The following SPATA6L variants were observed in gnomAD, a reference collection of about 807,000 sequenced individuals.
The protein encoded by SPATA6L is spermatogenesis associated 6-like protein.
SPATA6L carries 68 observed loss-of-function variants against 49.2 expected under a neutral mutation model. The observed-to-expected ratio is 1.38, with a 90% CI of 1.14 to 1.69. The LOEUF (loss-of-function observed/expected upper bound fraction) is 1.69, where lower values mean the gene tolerates loss of function less well. Ranked by LOEUF, SPATA6L falls within the 40% of genes most tolerant of loss-of-function variation. SPATA6L has a pLI of 0.00. For synonymous variants in SPATA6L, 198 were observed against 165.7 expected (o/e 1.19, Z -1.50); for missense variants, 668 against 464.3 (o/e 1.44, Z -4.03).
chr9:4,613,406 C>T (rs559709384), intron 9 of SPATA6L, among the ~76,000 whole-genome samples: 2 of 152,048 alleles, frequency 1.3e-5, no homozygotes, highest in Admixed American at 1.3e-4. Flanking sequence ...CAGGCCTCCA[C>T]TCCAGCTCTC....
intron 11 of SPATA6L, among the ~76,000 whole-genome samples, chr9:4,603,354 TG>T (rs1421019495): frequency 6.6e-6 from 1 of 152,060 alleles, no homozygotes; most frequent in Non-Finnish European, 1.5e-5. Flanking sequence ...CACTTGAACC[TG>T]GGGGGTGGAG....
At chr9:4,629,779 A>G (rs903262827) in intron 4 of SPATA6L, among the ~76,000 whole-genome samples, 17 of 140,360 alleles carry the variant, frequency 1.2e-4, no homozygotes, top group East Asian at 2.0e-4. Context: ...GTATATATAT[A>G]TATATATATA....
rs746236884 is a variant in SPATA6L at position 4,662,859 on chromosome 9, G to A, written c.40-823C>T. 1.9e-6 allele frequency: 3 copies of A among 1,605,158 alleles called. No individual in the cohort carries two copies. In the African/African-American group the frequency reaches 4.0e-5, roughly 21 times the overall value. On this transcript the variant is annotated intron_variant, in intron 1 of 11. Transcript: ENST00000682582. The surrounding 1 kb of genome is among the most constrained non-coding windows in gnomAD (Gnocchi z 4.9). ...CCTGTGCAGGAGCGACAGCTGGGCC[G>A]GGCGCGAGGTGCTGATGAACCTGCT... is the stretch of plus-strand genomic sequence containing the variant.
At chr9:4,628,779 T>A (rs1403103126) in intron 5 of SPATA6L, 1 of 222,370 alleles carries the variant, frequency 4.5e-6, no homozygotes, top group Non-Finnish European at 8.7e-6. Context: ...GTTCATAAGA[T>A]CACAAGTAAA....
rs377305285 is a variant in SPATA6L at position 4,629,153 on chromosome 9, T to C, written c.367A>G (p.Ile123Val). The C allele has an allele frequency of 6.2e-7, 1 of 1,606,882 alleles. No individual in the cohort carries two copies. The highest frequency in any genetic ancestry group is 8.5e-7 in the Non-Finnish European group (1 of 1,178,576). Residue 123 changes from isoleucine to valine, a missense_variant, in exon 5 of 12, where the codon ATA (isoleucine) becomes GTA (valine). Physicochemically the swap from Ile to Val is conservative, Grantham distance 29. Coordinates refer to ENST00000682582, the MANE Select transcript of SPATA6L (RefSeq NM_001353486.2). Reference protein sequence around the residue: ...ALGFPGIAPKIEFSTRTAIRE... With the variant: ...ALGFPGIAPKVEFSTRTAIRE... ...ATGGCTGTCCTTGTAGAAAACTCTA[T>C]TTTGGGAGCAATGCCCTATAAAACA...
chr9:4,606,706 G>A (rs1376765475), intron 9 of SPATA6L, among the ~76,000 whole-genome samples: 7 of 138,660 alleles, frequency 5.0e-5, no homozygotes, highest in Non-Finnish European at 7.7e-5. Flanking sequence ...AAACAGAACA[G>A]AAAAACTGGA....
At chr9:4,654,164 G>C (rs541158808) in intron 3 of SPATA6L, among the ~76,000 whole-genome samples, 150 of 152,352 alleles carry the variant, frequency 9.8e-4, no homozygotes, top group Non-Finnish European at 1.8e-3. Context: ...GTGTCGGCCA[G>C]GATGTGGGAA....
chr9:4,634,396 G>A (rs1487620193), intron 4 of SPATA6L, among the ~76,000 whole-genome samples: 2 of 152,108 alleles, frequency 1.3e-5, no homozygotes, highest in African/African-American at 2.4e-5. Flanking sequence ...AAGGTCTTGG[G>A]GTTACAGTCA....
rs150703360 is a variant in SPATA6L at position 4,638,021 on chromosome 9, T to C, written c.227-2622A>G. On this transcript the variant is annotated intron_variant, in intron 3 of 11. Coordinates refer to ENST00000682582, the MANE Select transcript of SPATA6L (RefSeq NM_001353486.2). ...AGAACCTCCTATGTAGTAAGACTTA[T>C]AGACACTGGATTTACACTAGTGAAG... Among the ~76,000 whole-genome samples the C allele has an allele frequency of 5.3e-3, 801 of 152,318 alleles. 6 individuals are homozygous for C. The highest frequency in any genetic ancestry group is 0.018 in the African/African-American group (762 of 41,564).
intron 3 of SPATA6L, among the ~76,000 whole-genome samples, chr9:4,652,514 A>C (rs1346675999): frequency 6.6e-6 from 1 of 152,216 alleles, no homozygotes; most frequent in Non-Finnish European, 1.5e-5. Context: ...TTAACCAAAA[A>C]ATGCAACACT....
chr9:4,607,216 C>T (rs1825493478), intron 9 of SPATA6L, among the ~76,000 whole-genome samples: 2 of 150,968 alleles, frequency 1.3e-5, no homozygotes, highest in Non-Finnish European at 2.9e-5. Flanking sequence ...TTGGAAAACA[C>T]TCTGCAGGAT....
chr9:4,666,145 G>A, intron 1 of SPATA6L, 67 bp downstream of exon 1: 27 of 1,526,554 alleles, frequency 1.8e-5, no homozygotes, highest in Non-Finnish European at 2.5e-5. Context: ...GAGGGTTGTT[G>A]AAAACCACCT....
At chr9:4,625,241 G>C in intron 6 of SPATA6L, 86 bp downstream of exon 6, 1 of 1,494,126 alleles carries the variant, frequency 6.7e-7, no homozygotes, top group Non-Finnish European at 8.9e-7. Context: ...TTATTCATTT[G>C]TTGTTATAAC....
rs147756397 is a variant in SPATA6L at position 4,609,910 on chromosome 9, C to T, written c.996-4470G>A. ...GTGCAGAAAACCCCATTGTCTCAGC[C>T]CAAAATCTCCTTAAGCTGATAAGCA... On this transcript the variant is annotated intron_variant, in intron 9 of 11. Coordinates refer to ENST00000682582, the MANE Select transcript of SPATA6L (RefSeq NM_001353486.2). Among the ~76,000 whole-genome samples the T allele has an allele frequency of 2.6e-3, 395 of 151,998 alleles. 1 individual carries two copies. Among genetic ancestry groups the T allele is most frequent in the African/African-American group, 8.2e-3 (338 of 41,330 alleles).
In SPATA6L at chr9:4,600,267, C is replaced by G. The variant is rs1381579456; in HGVS notation, c.*544G>C. ...AACATCTAAAACAAGATCTGAACTA[C>G]CCAGACGTAATGCTCTCTTTTCCAA... On this transcript the variant is annotated 3_prime_UTR_variant, in exon 12 of 12. Transcript: ENST00000682582. 6.6e-6 allele frequency among the ~76,000 whole-genome samples: 1 copy of G among 152,110 alleles called. No individual in the cohort carries two copies. Among genetic ancestry groups the G allele is most frequent in the Non-Finnish European group, 1.5e-5 (1 of 68,030 alleles).
intron 4 of SPATA6L, among the ~76,000 whole-genome samples, chr9:4,632,547 G>T (rs1831841058): frequency 1.3e-5 from 2 of 149,052 alleles, no homozygotes; most frequent in African/African-American, 5.0e-5. Flanking sequence ...AGTGAGCCGA[G>T]ATCGCTGCAC....
intron 5 of SPATA6L, chr9:4,626,897 C>T (rs952763771): frequency 5.4e-5 from 9 of 167,634 alleles, no homozygotes; most frequent in South Asian, 1.6e-4. Flanking sequence ...TGCAATGCAG[C>T]GTGATCTCAA....
At position 4,662,319 on chromosome 9, in the gene SPATA6L, G is replaced by A; in HGVS notation, c.40-283C>T. 6.9e-7 allele frequency: 1 copy of A among 1,443,424 alleles called. No homozygotes were observed. The highest frequency in any genetic ancestry group is 2.5e-5 in the East Asian group (1 of 39,570). The allele number at this position is 1,443,424 out of a possible 1,614,324, so 89.4% of individuals were successfully genotyped here. A position where few individuals can be genotyped will look rare whatever the true frequency, so the allele number is the denominator to read the frequency against. On this transcript the variant is annotated intron_variant, in intron 1 of 11. Transcript: ENST00000682582. This position sits in a 1 kb window ranked among gnomAD's most constrained non-coding sequence, Gnocchi z 4.9. The stretch of plus-strand genomic sequence containing the variant: ...AGTGCGGAAGCGGAAGAGGCTGCAG[G>A]GCCGGGAAGCCTCTGTTTGGTCCGG...
intron 9 of SPATA6L, among the ~76,000 whole-genome samples, chr9:4,612,581 A>G (rs1484038745): frequency 6.6e-6 from 1 of 152,190 alleles, no homozygotes; most frequent in Non-Finnish European, 1.5e-5. Context: ...ACGGACTTGC[A>G]GTTTCATTTA....
Sources: allele counts gnomAD v4.1 joint callset (sites outside exome capture counted in the v4.1 genomes callset), GRCh38; gene constraint gnomAD v4.1.1; non-coding constraint Gnocchi (gnomAD v3.1); transcripts MANE v1.5; gene names NCBI Gene and HGNC (gene_info 2026-07-23, HGNC 2026-07-21).